The following HELZ variants were observed in gnomAD, a reference collection of about 807,000 sequenced individuals.
The protein encoded by HELZ is ATP-dependent RNA helicase with zinc finger domain.
Under a neutral mutation model 218.2 loss-of-function variants are expected in HELZ, and 23 were observed. That is an observed-to-expected ratio of 0.11 (90% CI 0.08 to 0.15). The LOEUF is 0.15. HELZ is among the 10% of genes least tolerant of loss of function. HELZ has a pLI of 1.00. For missense variants in HELZ, 1,813 were observed against 2,353.7 expected, an observed-to-expected ratio of 0.77 and a Z score of 4.75; for synonymous variants, 814 against 829.4, an observed-to-expected ratio of 0.98 and a Z score of 0.32.
At chr17:67,242,187 G>A (rs142419515) in intron 2 of HELZ, among the ~76,000 whole-genome samples, 5,876 of 152,246 alleles carry the variant, frequency 0.039, 388 homozygotes, top group African/African-American at 0.13. Context: ...AGGCCAAGGC[G>A]GGCAGATCAC....
At chr17:67,232,439 CCT>C (rs1225317921) in intron 3 of HELZ, among the ~76,000 whole-genome samples, 2 of 152,098 alleles carry the variant, frequency 1.3e-5, no homozygotes, top group Non-Finnish European at 2.9e-5. Context: ...GGCGTGAGCC[CCT>C]GTGTCTGGCA....
rs533042659 is a variant in HELZ, at chr17:67,182,302, G to A, written c.1163-3376C>T. ...ACTAAAAATACAAAAAAAAATAGCC[G>A]GGTATGATAGCTCGTGCCTGTAGTC... On this transcript the variant is annotated intron_variant, in intron 12 of 32. Transcript: ENST00000358691. Among the ~76,000 whole-genome samples the A allele has an allele frequency of 8.5e-5, 13 of 152,102 alleles. No homozygotes were observed. In the South Asian group the frequency reaches 1.9e-3, roughly 22 times the overall value.
chr17:67,209,046 A>T (rs1427534354), intron 5 of HELZ, among the ~76,000 whole-genome samples: 1 of 53,950 alleles, frequency 1.9e-5, no homozygotes. Context: ...GGAGGGAGGG[A>T]GGGAGGGAGG....
chr17:67,216,078 T>C, intron 4 of HELZ, 143 bp from the exon 5 acceptor site: 3 of 660,332 alleles, frequency 4.5e-6, no homozygotes, highest in Non-Finnish European at 8.4e-6. Flanking sequence ...AGCTAACACA[T>C]GTGCCCTCTG....
chr17:67,199,546 A>G (rs1238993163), intron 7 of HELZ, among the ~76,000 whole-genome samples: 1 of 152,096 alleles, frequency 6.6e-6, no homozygotes, highest in African/African-American at 2.4e-5. Context: ...CAAAAACCCC[A>G]ATTACTTTTG....
intron 5 of HELZ, among the ~76,000 whole-genome samples, chr17:67,208,272 G>A (rs2040357128): frequency 6.6e-6 from 1 of 152,088 alleles, no homozygotes; most frequent in Non-Finnish European, 1.5e-5. Flanking sequence ...AAAAAAAATT[G>A]TAAAAGGTAG....
At chr17:67,195,538 T>C in intron 7 of HELZ, 68 bp from the exon 8 acceptor site, 2 of 845,664 alleles carry the variant, frequency 2.4e-6, no homozygotes, top group South Asian at 1.5e-5. Flanking sequence ...AACTTGAACA[T>C]TTTCAATATT....
intron 21 of HELZ, among the ~76,000 whole-genome samples, chr17:67,142,466 T>C (rs2038356792): frequency 1.3e-5 from 2 of 152,146 alleles, no homozygotes; most frequent in African/African-American, 4.8e-5. Flanking sequence ...CATAATCATG[T>C]CACTGCCTTC....
At chr17:67,171,853 C>T (rs1022342276) in intron 13 of HELZ, among the ~76,000 whole-genome samples, 23 of 150,292 alleles carry the variant, frequency 1.5e-4, no homozygotes, top group African/African-American at 4.2e-4. Flanking sequence ...TTTTTTGAGA[C>T]GGAGTTTCAC....
intron 32 of HELZ, among the ~76,000 whole-genome samples, chr17:67,084,428 C>T (rs1459590383): frequency 2.6e-5 from 4 of 151,566 alleles, no homozygotes; most frequent in Non-Finnish European, 4.4e-5. Flanking sequence ...TTTGGGAGGC[C>T]GAGGCGGGCG....
intron 28 of HELZ, 43 bp downstream of exon 28, chr17:67,114,281 C>T (rs377188500): frequency 3.2e-5 from 41 of 1,262,134 alleles, no homozygotes; most frequent in Non-Finnish European, 4.8e-5. Flanking sequence ...GATGACCAAT[C>T]AGACTAAATC....
chr17:67,133,224 T>G (rs1278606745), intron 23 of HELZ, among the ~76,000 whole-genome samples: 2 of 152,148 alleles, frequency 1.3e-5, no homozygotes, highest in Non-Finnish European at 2.9e-5. Flanking sequence ...GTATATACCT[T>G]GACACTTCCC....
At chr17:67,192,592 C>G (rs1367111167) in intron 9 of HELZ, among the ~76,000 whole-genome samples, 1 of 152,176 alleles carries the variant, frequency 6.6e-6, no homozygotes, top group East Asian at 1.9e-4. Context: ...ATCTGTACTT[C>G]AAATCTTCTC....
intron 24 of HELZ, among the ~76,000 whole-genome samples, chr17:67,125,075 A>G (rs1407784931): frequency 2.0e-5 from 3 of 151,510 alleles, no homozygotes; most frequent in Non-Finnish European, 4.4e-5. Context: ...ATGATGTTTG[A>G]TTTACCTACC....
intron 31 of HELZ, among the ~76,000 whole-genome samples, chr17:67,097,118 G>GAACAGC (rs1279364158): frequency 2.0e-5 from 3 of 152,212 alleles, no homozygotes; most frequent in African/African-American, 7.2e-5. Context: ...GAGACTAAGT[G>GAACAGC]ATGGGGGAAC....
chr17:67,190,844 G>A (rs2039874113), intron 9 of HELZ, among the ~76,000 whole-genome samples: 1 of 152,132 alleles, frequency 6.6e-6, no homozygotes, highest in Non-Finnish European at 1.5e-5. Context: ...CGGGTAGCTG[G>A]GATTACAGGC....
At position 67,122,719 on chromosome 17, in the gene HELZ, C is replaced by A. The variant is rs991669665; in HGVS notation, c.3630+251G>T. On this transcript the variant is annotated intron_variant, in intron 26 of 32. Transcript: ENST00000358691. ...GCAAAACTCTATCTCAAAAAAAAAA[C>A]AAAACAAAATAGTACAAAGGTTTCT... 1.3e-4 allele frequency among the ~76,000 whole-genome samples: 20 copies of A among 151,272 alleles called. No homozygotes were observed. The East Asian group carries it at 3.5e-3, about 27-fold the overall frequency.
intron 22 of HELZ, among the ~76,000 whole-genome samples, chr17:67,136,564 G>A (rs1175000947): frequency 6.6e-6 from 1 of 152,170 alleles, no homozygotes; most frequent in African/African-American, 2.4e-5. Context: ...CCTGGACAGA[G>A]GAATGGATCA....
In HELZ at chr17:67,107,589, A is replaced by G; in HGVS notation, c.4821T>C (p.Tyr1607=). The G allele has an allele frequency of 1.9e-6, 3 of 1,614,118 alleles. No individual in the cohort carries two copies. Among genetic ancestry groups the G allele is most frequent in the Non-Finnish European group, 2.5e-6 (3 of 1,180,008 alleles). The change falls in exon 31 of 33, where the codon TAT becomes TAC. Residue 1607 remains tyrosine (Y), a synonymous_variant. Transcript: ENST00000358691. Reference sequence around the variant, plus strand: ...GTGGGCTTCTACTCTGTACTTGTCTATATTGCAAAAGTCTTGATTGAGGTG... The same window carrying G: ...GTGGGCTTCTACTCTGTACTTGTCTGTATTGCAAAAGTCTTGATTGAGGTG... ...MPPPQSRLLQ[Y]RQVQSRSPPA... is the part of the protein sequence containing the mutation.
Sources: gnomAD v4.1 joint callset for allele counts (sites outside exome capture counted in the v4.1 genomes callset) on GRCh38, gnomAD v4.1.1 for gene constraint, MANE v1.5 for transcripts, NCBI Gene and HGNC (gene_info 2026-07-23, HGNC 2026-07-21) for gene names.